The following IL1RAPL2 variants were observed in gnomAD, a reference collection of about 807,000 sequenced individuals.
IL1RAPL2 encodes the protein X-linked interleukin-1 receptor accessory protein-like 2.
IL1RAPL2 carries 3 observed loss-of-function variants against 44.1 expected under a neutral mutation model. That is an observed-to-expected ratio of 0.07 (90% CI 0.03 to 0.18). The LOEUF (loss-of-function observed/expected upper bound fraction) is 0.18, where lower values mean the gene tolerates loss of function less well. IL1RAPL2 is among the 10% of genes least tolerant of loss of function. The probability of loss-of-function intolerance (pLI) is 1.00; values close to 1 mark genes in which losing one functional copy is unlikely to be tolerated. For missense variants in IL1RAPL2, 391 were observed against 496.4 expected (o/e 0.79, Z 2.02); for synonymous variants, 181 against 178.8 (o/e 1.01, Z -0.10).
chrX:105,199,181 T>G (rs1402461636), intron 3 of IL1RAPL2, among the ~76,000 whole-genome samples: 1 of 111,283 alleles, frequency 9.0e-6, no homozygotes, highest in Non-Finnish European at 1.9e-5. Flanking sequence ...TTATTTATAT[T>G]ATACACCGGC....
intron 5 of IL1RAPL2, among the ~76,000 whole-genome samples, chrX:105,288,856 G>T (rs1440138664): frequency 9.1e-6 from 1 of 110,282 alleles, no homozygotes; most frequent in East Asian, 2.9e-4. Context: ...ATTTCAATTA[G>T]AATTCTTATA....
chrX:105,030,844 T>C (rs746987737), intron 2 of IL1RAPL2, among the ~76,000 whole-genome samples: 141 of 111,973 alleles, frequency 1.3e-3, no homozygotes, highest in Admixed American at 3.8e-3. Context: ...AGTATGGCAA[T>C]TTTCACGATA....
At chrX:105,521,735 C>T (rs1476986680) in intron 6 of IL1RAPL2, among the ~76,000 whole-genome samples, 7 of 111,668 alleles carry the variant, frequency 6.3e-5, no homozygotes, top group Admixed American at 1.9e-4. Context: ...CCCAGCCCTG[C>T]GGAACTGTGA....
chrX:105,663,129 A>G (rs2037732629), intron 6 of IL1RAPL2, among the ~76,000 whole-genome samples: 2 of 111,883 alleles, frequency 1.8e-5, no homozygotes, highest in African/African-American at 6.5e-5. Flanking sequence ...TTCTCCACAA[A>G]TATATCAGAA....
chrX:105,237,670 G>T (rs782181142), intron 4 of IL1RAPL2, among the ~76,000 whole-genome samples: 40 of 111,419 alleles, frequency 3.6e-4, no homozygotes, highest in African/African-American at 1.2e-3. Context: ...CATATCCTTC[G>T]CCCACTTGTT....
intron 2 of IL1RAPL2, among the ~76,000 whole-genome samples, chrX:105,118,911 A>C (rs961095734): frequency 1.8e-5 from 2 of 112,193 alleles, no homozygotes; most frequent in Non-Finnish European, 3.8e-5. Context: ...GTTAACTGCA[A>C]CTATGTAGGT....
At chrX:105,601,128 C>A (rs1236551043) in intron 6 of IL1RAPL2, among the ~76,000 whole-genome samples, 1 of 110,359 alleles carries the variant, frequency 9.1e-6, no homozygotes, top group Non-Finnish European at 1.9e-5. Flanking sequence ...AAATTGAATT[C>A]CAGGAGTTAG....
At chrX:104,632,274 T>A (rs1280780010) in intron 1 of IL1RAPL2, among the ~76,000 whole-genome samples, 1,404 of 111,435 alleles carry the variant, frequency 0.013, 22 homozygotes, top group Non-Finnish European at 0.018. Context: ...GTCAGGTAGC[T>A]CGATGCCTCC....
intron 5 of IL1RAPL2, among the ~76,000 whole-genome samples, chrX:105,478,677 C>T (rs2036213698): frequency 9.0e-6 from 1 of 111,631 alleles, no homozygotes; most frequent in Non-Finnish European, 1.9e-5. Flanking sequence ...ACCTAGTTCC[C>T]CAAACTTCCT....
chrX:104,611,428 C>T (rs776801566), intron 1 of IL1RAPL2, among the ~76,000 whole-genome samples: 2 of 110,996 alleles, frequency 1.8e-5, no homozygotes, highest in Non-Finnish European at 3.8e-5. Context: ...AACTTCCTGG[C>T]AGCTTTCTTT....
At chrX:105,349,981 A>G (rs2035140204) in intron 5 of IL1RAPL2, among the ~76,000 whole-genome samples, 1 of 112,390 alleles carries the variant, frequency 8.9e-6, no homozygotes, top group African/African-American at 3.2e-5. Flanking sequence ...ATTTCAGTCA[A>G]GGTCTGACTT....
intron 3 of IL1RAPL2, among the ~76,000 whole-genome samples, chrX:105,224,354 T>C (rs2033995484): frequency 8.9e-6 from 1 of 111,846 alleles, no homozygotes. Context: ...TAATAAGATA[T>C]CCTTAGTGAT....
intron 2 of IL1RAPL2, among the ~76,000 whole-genome samples, chrX:105,064,219 G>A: frequency 8.9e-6 from 1 of 111,986 alleles, no homozygotes; most frequent in Non-Finnish European, 1.9e-5. Context: ...TATACCTCGT[G>A]TTCTATTTTA....
At chrX:105,515,216 T>G (rs934844022) in intron 6 of IL1RAPL2, among the ~76,000 whole-genome samples, 1 of 111,742 alleles carries the variant, frequency 8.9e-6, no homozygotes, top group Non-Finnish European at 1.9e-5. Context: ...ACTTTTCTGA[T>G]AAGGTCAAAA....
intron 5 of IL1RAPL2, among the ~76,000 whole-genome samples, chrX:105,388,886 CTTA>C (rs1016307354): frequency 9.0e-6 from 1 of 111,406 alleles, no homozygotes; most frequent in Admixed American, 9.6e-5. Context: ...GAATTCACTC[CTTA>C]TTAGAGTCAA....
intron 2 of IL1RAPL2, among the ~76,000 whole-genome samples, chrX:104,828,049 C>T (rs1423982926): frequency 8.9e-6 from 1 of 111,744 alleles, no homozygotes; most frequent in Non-Finnish European, 1.9e-5. Context: ...AGGTTCTTAG[C>T]TTTCTTGCAT....
chrX:105,396,336 A>C (rs925122378), intron 5 of IL1RAPL2, among the ~76,000 whole-genome samples: 4 of 106,401 alleles, frequency 3.8e-5, no homozygotes, highest in African/African-American at 1.4e-4. Flanking sequence ...TTTTTTAATA[A>C]AGTTGAGATG....
chrX:105,577,130 C>A (rs1358422420), intron 6 of IL1RAPL2, among the ~76,000 whole-genome samples: 1 of 111,457 alleles, frequency 9.0e-6, no homozygotes, highest in Non-Finnish European at 1.9e-5. Context: ...CCACCTCTAA[C>A]ATTATTCCTG....
At chrX:105,009,533 G>T (rs1370864490) in intron 2 of IL1RAPL2, among the ~76,000 whole-genome samples, 1 of 101,003 alleles carries the variant, frequency 9.9e-6, no homozygotes, top group Non-Finnish European at 2.0e-5. Flanking sequence ...GTCACTCATA[G>T]GTGGGAATTG....
Sources: gnomAD v4.1 joint callset for allele counts (sites outside exome capture counted in the v4.1 genomes callset) on GRCh38, gnomAD v4.1.1 for gene constraint, MANE v1.5 for transcripts, NCBI Gene and HGNC (gene_info 2026-07-23, HGNC 2026-07-21) for gene names.